P3H2: variants seen among roughly 807,000 people sequenced by gnomAD.
P3H2 encodes prolyl 3-hydroxylase 2.
A neutral mutation model predicts 87.0 loss-of-function variants in P3H2; 80 were observed. The ratio of observed to expected loss-of-function variants is 0.92; its 90% CI spans 0.77 to 1.11. The LOEUF (loss-of-function observed/expected upper bound fraction) is 1.11, where lower values mean the gene tolerates loss of function less well. Ranked by LOEUF, P3H2 falls within the 50% of genes least tolerant of loss-of-function variation. The probability of loss-of-function intolerance (pLI) is 0.00; values close to 1 mark genes in which losing one functional copy is unlikely to be tolerated. For synonymous variants in P3H2, 367 were observed against 359.3 expected (o/e 1.02, Z -0.24); for missense variants, 1,001 against 923.9 (o/e 1.08, Z -1.08).
At chr3:190,082,514 G>C (rs559534599) in intron 1 of P3H2, among the ~76,000 whole-genome samples, 4 of 152,066 alleles carry the variant, frequency 2.6e-5, no homozygotes, top group Non-Finnish European at 4.4e-5. Flanking sequence ...ATCAAGTCAG[G>C]GTAATTGGGA....
intron 12 of P3H2, among the ~76,000 whole-genome samples, chr3:189,971,123 A>C (rs1023457702): frequency 6.6e-6 from 1 of 152,242 alleles, no homozygotes; most frequent in Non-Finnish European, 1.5e-5. Context: ...ATCATATGTC[A>C]AAGCTTGTCT....
chr3:189,986,656 AT>A, intron 6 of P3H2, 131 bp downstream of exon 6: 1 of 710,022 alleles, frequency 1.4e-6, no homozygotes, highest in Admixed American at 2.3e-5. Flanking sequence ...CCCACCCCCA[AT>A]TTTTACCTCA....
intron 1 of P3H2, among the ~76,000 whole-genome samples, chr3:190,102,462 A>C (rs1437180580): frequency 1.3e-5 from 2 of 152,242 alleles, no homozygotes; most frequent in Admixed American, 6.5e-5. Context: ...CGAGGAATTC[A>C]AGATTTCAGT....
In P3H2 at chr3:189,983,054, A is replaced by T. The variant is rs781197144; in HGVS notation, c.1316T>A (p.Leu439Gln). 2 of 1,612,524 alleles carry T rather than the reference A, an allele frequency of 1.2e-6. No homozygotes were observed. Residue 439 changes from leucine (L) to glutamine (Q), a missense_variant, in exon 8 of 15, where the codon CTA becomes CAA. Physicochemically the swap from Leu to Gln is moderately radical, Grantham distance 113 (BLOSUM62 -2). Transcript: ENST00000319332. ...AGTGCACAGCTACTTACCTTCTCTT[A>T]GGTCTCGATCTATCTTGGGTGATAG... ...KKLSPKIDRDLREGGPLLYEN... is the reference protein window; with the variant it reads ...KKLSPKIDRDQREGGPLLYEN...
intron 1 of P3H2, among the ~76,000 whole-genome samples, chr3:190,036,998 CA>C (rs1442753440): frequency 1.3e-5 from 2 of 151,824 alleles, no homozygotes; most frequent in Admixed American, 1.3e-4. Flanking sequence ...TTAACAACAA[CA>C]ACAAAATAGT....
intron 1 of P3H2, among the ~76,000 whole-genome samples, chr3:190,000,715 G>C (rs1724184881): frequency 1.3e-5 from 2 of 152,220 alleles, no homozygotes; most frequent in African/African-American, 4.8e-5. Context: ...GTGGAAAAAG[G>C]CTTGATGTGT....
At chr3:190,118,354 G>A (rs905416425) in intron 1 of P3H2, among the ~76,000 whole-genome samples, 1 of 151,894 alleles carries the variant, frequency 6.6e-6, no homozygotes, top group Non-Finnish European at 1.5e-5. Context: ...CGAGACTCCT[G>A]GGAGGACCAA....
chr3:190,009,183 C>T (rs1271053594), intron 1 of P3H2, among the ~76,000 whole-genome samples: 1 of 151,928 alleles, frequency 6.6e-6, no homozygotes. Context: ...TTTGAAAGAG[C>T]AAAGAATACT....
intron 14 of P3H2, chr3:189,963,664 G>A (rs528306338): frequency 2.1e-4 from 77 of 370,984 alleles, no homozygotes; most frequent in Middle Eastern, 1.7e-3. Context: ...GGCTGGTCTC[G>A]AACTCCCGAC....
chr3:190,102,545 A>G (rs1711667676), intron 1 of P3H2, among the ~76,000 whole-genome samples: 2 of 152,234 alleles, frequency 1.3e-5, no homozygotes, highest in Admixed American at 1.3e-4. Context: ...GATGTTAGTT[A>G]ATTACTGAAA....
intron 1 of P3H2, among the ~76,000 whole-genome samples, chr3:190,110,193 A>G (rs1462341074): frequency 6.6e-6 from 1 of 152,116 alleles, no homozygotes; most frequent in East Asian, 1.9e-4. Flanking sequence ...GTGTTTTTCT[A>G]TCTGGGGTGA....
chr3:189,963,359 T>C (rs1292020240), intron 14 of P3H2: 2 of 155,208 alleles, frequency 1.3e-5, no homozygotes, highest in African/African-American at 4.8e-5. Context: ...GATTCAATAC[T>C]ATTTCTTATG....
chr3:189,961,408 T>C (rs1298276670), intron 14 of P3H2, among the ~76,000 whole-genome samples: 1 of 152,202 alleles, frequency 6.6e-6, no homozygotes, highest in Non-Finnish European at 1.5e-5. Context: ...AAAAGGATGT[T>C]GCTAAATACT....
intron 1 of P3H2, among the ~76,000 whole-genome samples, chr3:190,080,492 C>T (rs532716169): frequency 6.6e-6 from 1 of 152,180 alleles, no homozygotes; most frequent in South Asian, 2.1e-4. Flanking sequence ...CCTCTGCCTC[C>T]CAGGTGCAAG....
At chr3:189,987,723 T>C in intron 4 of P3H2, 54 bp from the exon 5 acceptor site, 1 of 1,611,318 alleles carries the variant, frequency 6.2e-7, no homozygotes, top group Non-Finnish European at 8.5e-7. Flanking sequence ...GTCCAAAGGA[T>C]TTTAAAGGGA....
intron 1 of P3H2, among the ~76,000 whole-genome samples, chr3:190,106,566 A>C (rs951856556): frequency 2.0e-5 from 3 of 151,808 alleles, no homozygotes; most frequent in Non-Finnish European, 4.4e-5. Flanking sequence ...TTAACTTCTC[A>C]CAAGTACCTT....
intron 1 of P3H2, among the ~76,000 whole-genome samples, chr3:190,064,469 G>GAAGTC (rs1303809702): frequency 6.6e-6 from 1 of 152,052 alleles, no homozygotes; most frequent in Admixed American, 6.6e-5. Context: ...TTCTGAATCT[G>GAAGTC]AAGTCGACAG....
chr3:190,052,167 C>A (rs952235270), intron 1 of P3H2, among the ~76,000 whole-genome samples: 11 of 152,128 alleles, frequency 7.2e-5, no homozygotes, highest in African/African-American at 1.4e-4. Context: ...TGGTTTGCTA[C>A]ACCTATCAAC....
Position 189,995,551 on chromosome 3 carries a change from C to T in P3H2, c.481-109G>A, listed in dbSNP as rs889180450. The T allele has an allele frequency of 3.2e-6, 3 of 930,784 alleles. No individual in the cohort carries two copies. The African/African-American group carries it at 7.4e-5, about 23-fold the overall frequency. The allele number at this position is 930,784 out of a possible 1,614,324, so 57.7% of individuals were successfully genotyped here. A position where few individuals can be genotyped will look rare whatever the true frequency, so the allele number is the denominator to read the frequency against. The stretch of plus-strand genomic sequence containing the variant: ...CACAGTTTAAGAATGAAACTAGGAG[C>T]CTTGGTTTTTTTTTTTTTTATCAGA... On this transcript the variant is annotated intron_variant, in intron 1 of 14. Coordinates refer to ENST00000319332, the MANE Select transcript of P3H2 (RefSeq NM_018192.4).
Sources: gnomAD v4.1 joint callset for allele counts (sites outside exome capture counted in the v4.1 genomes callset) on GRCh38, gnomAD v4.1.1 for gene constraint, MANE v1.5 for transcripts, NCBI Gene and HGNC (gene_info 2026-07-23, HGNC 2026-07-21) for gene names.